MYO16: variants seen among roughly 807,000 people sequenced by gnomAD.
MYO16 encodes the protein myosin XVI, also known as unconventional myosin-XVI.
In MYO16, 94 loss-of-function variants were observed where a neutral mutation model predicts 205.3. The ratio of observed to expected loss-of-function variants is 0.46; its 90% CI spans 0.39 to 0.54. The LOEUF is 0.54. MYO16 is among the 20% of genes least tolerant of loss of function. The probability of loss-of-function intolerance (pLI) is 0.00; values close to 1 mark genes in which losing one functional copy is unlikely to be tolerated. For synonymous variants in MYO16, 988 were observed against 954.0 expected, an observed-to-expected ratio of 1.04 and a Z score of -0.66; for missense variants, 2,315 against 2,387.5, an observed-to-expected ratio of 0.97 and a Z score of 0.63.
chr13:108,522,409 T>G, the MYO16 span, among the ~76,000 whole-genome samples: 1 of 152,228 alleles, frequency 6.6e-6, no homozygotes. Context: ...GTCCAGTTCT[T>G]GAATCCTGTA....
chr13:108,682,888 G>A (rs1484640797), intron 2 of MYO16, among the ~76,000 whole-genome samples: 1 of 152,138 alleles, frequency 6.6e-6, no homozygotes, highest in Admixed American at 6.6e-5. Flanking sequence ...CTGGCTGGAT[G>A]CATCTTTATT....
chr13:108,747,916 T>G (rs1885117050), intron 4 of MYO16, among the ~76,000 whole-genome samples: 1 of 152,108 alleles, frequency 6.6e-6, no homozygotes, highest in South Asian at 2.1e-4. Flanking sequence ...TATTATAGAC[T>G]TCATTACCCT....
chr13:108,994,716 G>A (rs975528135), intron 21 of MYO16, among the ~76,000 whole-genome samples: 11 of 152,084 alleles, frequency 7.2e-5, no homozygotes, highest in African/African-American at 1.2e-4. Context: ...TCACTCGAAC[G>A]TCAACTCCTG....
chr13:109,196,765 G>A (rs932031067), intron 34 of MYO16, among the ~76,000 whole-genome samples: 6 of 152,130 alleles, frequency 3.9e-5, no homozygotes, highest in Admixed American at 1.3e-4. Context: ...TCCTAGCTCC[G>A]TATAAACCGT....
chr13:108,987,422 A>G (rs1884679954), intron 20 of MYO16, among the ~76,000 whole-genome samples: 1 of 152,216 alleles, frequency 6.6e-6, no homozygotes, highest in Non-Finnish European at 1.5e-5. Flanking sequence ...ACACCCTGAG[A>G]GGTTGAAATA....
chr13:108,655,434 T>C (rs1411899332), intron 1 of MYO16, among the ~76,000 whole-genome samples: 1 of 152,130 alleles, frequency 6.6e-6, no homozygotes. Flanking sequence ...AGAAGATGTA[T>C]GGAAATGCCT....
chr13:108,962,363 C>A (rs1371303629), intron 18 of MYO16, 61 bp from the exon 19 acceptor site: 3 of 1,352,014 alleles, frequency 2.2e-6, no homozygotes, highest in Admixed American at 3.8e-5. Flanking sequence ...CCATAAAATT[C>A]AATGTTCTTG....
At position 108,861,275 on chromosome 13, in the gene MYO16, A is replaced by G. The variant is rs895152294; in HGVS notation, c.1360-4902A>G. 2.7e-4 allele frequency among the ~76,000 whole-genome samples: 41 copies of G among 152,168 alleles called. 1 individual carries two copies. The highest frequency in any genetic ancestry group is 2.5e-3 in the Admixed American group (38 of 15,260). On this transcript the variant is annotated intron_variant, in intron 11 of 34. Coordinates refer to ENST00000457511, the MANE Select transcript of MYO16 (RefSeq NM_001198950.3). Reference sequence around the variant, plus strand: ...GGTTTTGTCTGTGTTTTTTAACTTTATATAAATGCAATCTGTTTTGTAGTA... The same window carrying G: ...GGTTTTGTCTGTGTTTTTTAACTTTGTATAAATGCAATCTGTTTTGTAGTA...
intron 1 of MYO16, among the ~76,000 whole-genome samples, chr13:108,656,542 T>C (rs1296381966): frequency 6.6e-6 from 1 of 152,168 alleles, no homozygotes; most frequent in East Asian, 1.9e-4. Context: ...ATGTCTGAGA[T>C]CTTCGATATA....
intron 5 of MYO16, among the ~76,000 whole-genome samples, chr13:108,789,044 A>G (rs1886539808): frequency 6.6e-6 from 1 of 152,144 alleles, no homozygotes; most frequent in African/African-American, 2.4e-5. Flanking sequence ...GGTTCTCAAG[A>G]ATATCCTTGT....
intron 9 of MYO16, among the ~76,000 whole-genome samples, chr13:108,838,835 G>A (rs1370847345): frequency 1.3e-5 from 2 of 150,838 alleles, no homozygotes; most frequent in African/African-American, 4.9e-5. Context: ...TTATTTCAAA[G>A]AAGCGTAGAA....
rs1594474562 is a variant in MYO16, at chr13:109,019,863, C to T, written c.2748C>T (p.Ala916=). ...TGAAGGATGGGAATGGGAATGTTGC[C>T]CTCAAAGACCACGGTACAGCCTTCA... is the stretch of plus-strand genomic sequence containing the variant. ...SPMKDGNGNV[A]LKDHGTAFTI... Residue 916 remains alanine, a synonymous_variant, in exon 23 of 35, where the codon GCC becomes GCT. Transcript: ENST00000457511. The T allele has an allele frequency of 5.0e-6, 8 of 1,614,082 alleles. No homozygotes were observed. In the East Asian group the frequency reaches 1.3e-4, roughly 27 times the overall value.
the MYO16 span, among the ~76,000 whole-genome samples, chr13:108,550,492 C>A: frequency 6.6e-6 from 1 of 152,160 alleles, no homozygotes; most frequent in Non-Finnish European, 1.5e-5. Flanking sequence ...TTTTCACCTG[C>A]AGGAGTACAA....
At chr13:108,976,847 G>T (rs531463584) in intron 20 of MYO16, among the ~76,000 whole-genome samples, 2 of 152,058 alleles carry the variant, frequency 1.3e-5, no homozygotes, top group Non-Finnish European at 2.9e-5. Flanking sequence ...AGGAATCCAG[G>T]CAAGCAACCC....
At chr13:108,986,280 C>G (rs1034611197) in intron 20 of MYO16, among the ~76,000 whole-genome samples, 1 of 151,978 alleles carries the variant, frequency 6.6e-6, no homozygotes, top group African/African-American at 2.4e-5. Flanking sequence ...CTACAGTGCA[C>G]GTTATGTGTA....
rs1887375791 is a variant in MYO16 at position 109,055,243 on chromosome 13, A to G, written c.3129+117A>G. 4 of 871,906 alleles carry G rather than the reference A, an allele frequency of 4.6e-6. No individual in the cohort carries two copies. The highest frequency in any genetic ancestry group is 2.7e-5 in the African/African-American group (1 of 37,002). 54.0% of individuals were successfully genotyped at this position (871,906 alleles called of 1,614,324 possible). On this transcript the variant is annotated intron_variant, in intron 26 of 34. Transcript: ENST00000457511. The surrounding 1 kb of genome is among the most constrained non-coding windows in gnomAD (Gnocchi z 5.0). Reference sequence around the variant, plus strand: ...TTAAATATCTTCACAAAAAAAGTAAACATACACACACACACACACACACAC... The same window carrying G: ...TTAAATATCTTCACAAAAAAAGTAAGCATACACACACACACACACACACAC...
At position 108,957,777 on chromosome 13, in the gene MYO16, A is replaced by C; in HGVS notation, c.2015A>C (p.Asn672Thr). Reference sequence around the variant, plus strand: ...TTGGCTGTTTTGAAACGAGCCCTGAATGTAGTTGGCTTCAGCAGCTTGGTG... The same window carrying C: ...TTGGCTGTTTTGAAACGAGCCCTGACTGTAGTTGGCTTCAGCAGCTTGGTG... ...EKLAVLKRAL[N>T]VVGFSSLEVE... The change falls in exon 17 of 35, where the codon AAT (asparagine) becomes ACT (threonine). Residue 672 changes from asparagine (N) to threonine (T), a missense_variant. Around this residue, in one of 3 missense-constraint regions of MYO16, gnomAD observed 1,213 missense variants for 1,274.4 expected, o/e 0.95. Coordinates refer to ENST00000457511, the MANE Select transcript of MYO16 (RefSeq NM_001198950.3). 1 of 1,613,778 alleles carries C rather than the reference A, an allele frequency of 6.2e-7. No individual in the cohort carries two copies. The highest frequency in any genetic ancestry group is 2.2e-5 in the East Asian group (1 of 44,864).
At chr13:109,160,590 GA>G (rs1878333433) in intron 32 of MYO16, among the ~76,000 whole-genome samples, 1 of 152,096 alleles carries the variant, frequency 6.6e-6, no homozygotes, top group Non-Finnish European at 1.5e-5. Flanking sequence ...TACTTCACTA[GA>G]TACAGAGGCA....
intron 9 of MYO16, among the ~76,000 whole-genome samples, chr13:108,838,773 C>CACAA (rs1313638517): frequency 1.4e-5 from 2 of 145,042 alleles, no homozygotes; most frequent in Admixed American, 6.9e-5. Flanking sequence ...CACAAATGCA[C>CACAA]ACACACACAC....
Sources: allele counts gnomAD v4.1 joint callset (sites outside exome capture counted in the v4.1 genomes callset), GRCh38; gene constraint gnomAD v4.1.1; regional missense constraint gnomAD v4.1.1; non-coding constraint Gnocchi (gnomAD v3.1); transcripts MANE v1.5; gene names NCBI Gene and HGNC (gene_info 2026-07-23, HGNC 2026-07-21).